LRP2: variants seen among roughly 807,000 people sequenced by gnomAD.
LRP2 encodes the protein LDL receptor related protein 2, also known as low-density lipoprotein receptor-related protein 2.
A neutral mutation model predicts 531.0 loss-of-function variants in LRP2; 172 were observed. The ratio of observed to expected loss-of-function variants is 0.32; its 90% CI spans 0.29 to 0.37. The LOEUF is 0.37. Ranked by LOEUF, LRP2 falls within the 10% of genes least tolerant of loss-of-function variation. The probability of loss-of-function intolerance (pLI) is 1.00; values close to 1 mark genes in which losing one functional copy is unlikely to be tolerated. For missense variants in LRP2, 5,167 were observed against 5,868.3 expected, an observed-to-expected ratio of 0.88 and a Z score of 3.90; for synonymous variants, 1,992 against 2,027.6, an observed-to-expected ratio of 0.98 and a Z score of 0.47.
intron 16 of LRP2, among the ~76,000 whole-genome samples, chr2:169,260,689 A>G (rs1347794296): frequency 2.0e-5 from 3 of 152,034 alleles, no homozygotes; most frequent in Non-Finnish European, 4.4e-5. Flanking sequence ...TAGGAGGAAA[A>G]ACACTCAGTA....
chr2:169,282,793 C>G, intron 10 of LRP2, 80 bp downstream of exon 10: 1 of 1,459,430 alleles, frequency 6.9e-7, no homozygotes, highest in Non-Finnish European at 9.6e-7. Flanking sequence ...GCTGATAATT[C>G]TGTTGTCATC....
At chr2:169,330,389 A>C (rs1685233245) in intron 1 of LRP2, among the ~76,000 whole-genome samples, 1 of 152,208 alleles carries the variant, frequency 6.6e-6, no homozygotes, top group Non-Finnish European at 1.5e-5. Context: ...AATTCTGAGC[A>C]ATGAGAGATT....
At chr2:169,157,324 T>C (rs368127410) in intron 64 of LRP2, 47 bp downstream of exon 64, 1 of 1,594,890 alleles carries the variant, frequency 6.3e-7, no homozygotes, top group Non-Finnish European at 8.6e-7. Context: ...TGGAGAACCT[T>C]AGATGTAAAG....
At position 169,239,629 on chromosome 2, in the gene LRP2, C is replaced by A. The variant is rs1286412608; in HGVS notation, c.4192G>T (p.Gly1398Cys). Residue 1398 changes from glycine (G) to cysteine (C), a missense_variant, in exon 26 of 79, where the codon GGC becomes TGC. By Grantham distance (159) the Gly-to-Cys change is radical (BLOSUM62 -3). Transcript: ENST00000649046. ...CEDIDECDIL[G>C]SCSQHCYNMR... ...TTGTAACAGTGCTGGCTACAAGAGC[C>A]TAGAATATCACATTCATCTATGTCT... 1 of 1,614,080 alleles carries A rather than the reference C, an allele frequency of 6.2e-7. No homozygotes were observed. Among genetic ancestry groups the A allele is most frequent in the Non-Finnish European group, 8.5e-7 (1 of 1,179,956 alleles).
intron 41 of LRP2, among the ~76,000 whole-genome samples, chr2:169,205,141 C>T (rs568914693): frequency 6.6e-6 from 1 of 151,624 alleles, no homozygotes; most frequent in African/African-American, 2.4e-5. Context: ...GATTTTATAG[C>T]AGTTACCTAG....
rs569842137 is a variant in LRP2, at chr2:169,132,490, C to T, written c.13728+84G>A. 418 of 801,436 alleles carry T rather than the reference C, an allele frequency of 5.2e-4. 1 individual carries two copies. Among genetic ancestry groups the T allele is most frequent in the Middle Eastern group, 4.0e-3 (18 of 4,484 alleles). The allele number at this position is 801,436 out of a possible 1,614,324, so 49.6% of individuals were successfully genotyped here. ...GATCTTTGAGCCTTCCAGAATCTCC[C>T]TTGTTTGCTTAAGGTTAATAAAAAC... On this transcript the variant is annotated intron_variant, in intron 77 of 78. Transcript: ENST00000649046.
intron 1 of LRP2, among the ~76,000 whole-genome samples, chr2:169,338,373 A>AAAGAAAGG (rs1685470196): frequency 8.2e-6 from 1 of 121,388 alleles, no homozygotes; most frequent in South Asian, 2.6e-4. Flanking sequence ...AGAAAGAAAG[A>AAAGAAAGG]AAGAAAGAAA....
At chr2:169,218,193 T>C (rs1205893019) in intron 34 of LRP2, among the ~76,000 whole-genome samples, 1 of 152,162 alleles carries the variant, frequency 6.6e-6, no homozygotes, top group Non-Finnish European at 1.5e-5. Context: ...CTATGTCCTC[T>C]GACAAAATTC....
At chr2:169,214,043 G>A (rs1236224349) in intron 35 of LRP2, among the ~76,000 whole-genome samples, 173 bp from the exon 36 acceptor site, 2 of 152,074 alleles carry the variant, frequency 1.3e-5, no homozygotes, top group Admixed American at 6.6e-5. Flanking sequence ...CCAAGCAGCA[G>A]GTCAGGAAAA....
At position 169,132,475 on chromosome 2, in the gene LRP2, C is replaced by A. The variant is rs576873478; in HGVS notation, c.13728+99G>T. 4.6e-5 allele frequency: 35 copies of A among 766,122 alleles called. No homozygotes were observed. The Admixed American group carries it at 6.1e-4, about 13-fold the overall frequency. The allele number at this position is 766,122 out of a possible 1,614,324, so 47.5% of individuals were successfully genotyped here. On this transcript the variant is annotated intron_variant, in intron 77 of 78. Coordinates refer to ENST00000649046, the MANE Select transcript of LRP2 (RefSeq NM_004525.3). ...GTCAACACATCTTGAGATCTTTGAG[C>A]CTTCCAGAATCTCCCTTGTTTGCTT...
At position 169,157,897 on chromosome 2, in the gene LRP2, C is replaced by G. The variant is rs73032957; in HGVS notation, c.11888-395G>C. 6.4e-3 allele frequency among the ~76,000 whole-genome samples: 828 copies of G among 130,342 alleles called. 8 individuals carry two copies. The highest frequency in any genetic ancestry group is 0.023 in the African/African-American group (798 of 35,098). 85.5% of individuals were successfully genotyped at this position (130,342 alleles called of 152,430 possible). ...ATAGATAGAGAGATAGATGATAGAT[C>G]GATAGATAGATAACAGATAGAAATA... On this transcript the variant is annotated intron_variant, in intron 63 of 78. Coordinates refer to ENST00000649046, the MANE Select transcript of LRP2 (RefSeq NM_004525.3).
intron 16 of LRP2, among the ~76,000 whole-genome samples, chr2:169,263,890 T>C (rs1211541046): frequency 1.2e-4 from 18 of 152,072 alleles, no homozygotes; most frequent in Admixed American, 7.2e-4. Context: ...ATGTGGCACA[T>C]ATATGCCATG....
chr2:169,265,240 C>T (rs1268831946), intron 16 of LRP2, among the ~76,000 whole-genome samples: 1 of 152,020 alleles, frequency 6.6e-6, no homozygotes, highest in Admixed American at 6.6e-5. Context: ...AAAATGGAGG[C>T]ATCTATGAAG....
rs529876137 is a variant in LRP2, at chr2:169,279,440, G to A, written c.1497C>T (p.Ser499=). ...TTTCAGTTATAAGGGTAACCCGATA[G>A]CTTCCATCCAAATTTACCATATCTA... ...NRIDMVNLDG[S]YRVTLITENL... is the part of the protein sequence containing the mutation. The change falls in exon 12 of 79, where the codon AGC becomes AGT. Residue 499 remains serine, a synonymous_variant. Transcript: ENST00000649046. The A allele has an allele frequency of 6.2e-7, 1 of 1,614,050 alleles. No homozygotes were observed. Among genetic ancestry groups the A allele is most frequent in the African/African-American group, 1.3e-5 (1 of 75,038 alleles).
In LRP2 at chr2:169,317,992, A is replaced by T. The variant is rs539408002; in HGVS notation, c.310+770T>A. 1.1e-3 allele frequency among the ~76,000 whole-genome samples: 173 copies of T among 152,208 alleles called. 1 individual carries two copies. Among genetic ancestry groups the T allele is most frequent in the Non-Finnish European group, 1.2e-3 (83 of 68,016 alleles). On this transcript the variant is annotated intron_variant, in intron 3 of 78. Transcript: ENST00000649046. ...CTCAGGAGGCTTAAGCAGGAGGATTACCTGAGCCCCGGTGTTTGAGGCTGC... is the reference window on the plus strand; with the variant it reads ...CTCAGGAGGCTTAAGCAGGAGGATTTCCTGAGCCCCGGTGTTTGAGGCTGC...
intron 33 of LRP2, among the ~76,000 whole-genome samples, chr2:169,224,645 C>A (rs754872688): frequency 1.3e-5 from 2 of 152,134 alleles, no homozygotes; most frequent in Non-Finnish European, 2.9e-5. Flanking sequence ...TCTCTGCTTA[C>A]CATAATCTTC....
chr2:169,337,236 T>G (rs1454806128), intron 1 of LRP2, among the ~76,000 whole-genome samples: 4 of 152,134 alleles, frequency 2.6e-5, no homozygotes, highest in Admixed American at 2.6e-4. Flanking sequence ...ACAGAAGCCC[T>G]CCAAGGAATG....
intron 3 of LRP2, among the ~76,000 whole-genome samples, chr2:169,307,817 T>C (rs922400138): frequency 2.0e-5 from 3 of 152,142 alleles, no homozygotes; most frequent in Admixed American, 1.3e-4. Context: ...TGAATATGAG[T>C]GATTTTATTT....
intron 9 of LRP2, among the ~76,000 whole-genome samples, chr2:169,285,177 C>T (rs1212882697): frequency 6.6e-6 from 1 of 151,262 alleles, no homozygotes; most frequent in Non-Finnish European, 1.5e-5. Flanking sequence ...AAAAAATTAG[C>T]CAGGCATGGA....
Sources: allele counts gnomAD v4.1 joint callset (sites outside exome capture counted in the v4.1 genomes callset), GRCh38; gene constraint gnomAD v4.1.1; transcripts MANE v1.5; gene names NCBI Gene and HGNC (gene_info 2026-07-23, HGNC 2026-07-21).